Variants in LAS1L observed in about 807,000 individuals in gnomAD.
LAS1L encodes the protein ribosomal biogenesis protein LAS1L.
Under a neutral mutation model 57.3 loss-of-function variants are expected in LAS1L, and 5 were observed. The observed-to-expected ratio is 0.09, with a 90% confidence interval of 0.05 to 0.18. The LOEUF (loss-of-function observed/expected upper bound fraction) is 0.18, where lower values mean the gene tolerates loss of function less well. Ranked by LOEUF, LAS1L falls within the 10% of genes least tolerant of loss-of-function variation. The probability of loss-of-function intolerance (pLI) is 1.00; values close to 1 mark genes in which losing one functional copy is unlikely to be tolerated. For missense variants in LAS1L, 360 were observed against 568.3 expected (o/e 0.63, Z 3.73); for synonymous variants, 245 against 231.7 (o/e 1.06, Z -0.52).
intron 4 of LAS1L, among the ~76,000 whole-genome samples, chrX:65,530,682 C>T (rs1478730708): frequency 2.7e-5 from 3 of 109,222 alleles, no homozygotes; most frequent in South Asian, 4.0e-4. Context: ...GGCATGGAGG[C>T]GCGTGCCTGT....
At chrX:65,521,405 C>T in intron 11 of LAS1L, 1 of 334,462 alleles carries the variant, frequency 3.0e-6, no homozygotes, top group Non-Finnish European at 3.9e-6. Context: ...AGTCCTTGCC[C>T]TTGAAAAGCT....
chrX:65,532,483 G>A (rs1478391930), intron 3 of LAS1L, 78 bp downstream of exon 3: 165 of 724,811 alleles, frequency 2.3e-4, no homozygotes, highest in Non-Finnish European at 1.1e-5. Context: ...GTCTGACTGT[G>A]TGCCCACAAT....
chrX:65,529,511 T>G, intron 5 of LAS1L, 83 bp downstream of exon 5: 2 of 1,019,583 alleles, frequency 2.0e-6, no homozygotes, highest in Non-Finnish European at 2.6e-6. Context: ...GAGGAAATGC[T>G]GAGCCAGGGA....
At position 65,532,552 on chromosome X, in the gene LAS1L, C is replaced by T. The variant is rs1278334158; in HGVS notation, c.432+9G>A. On this transcript the variant is annotated intron_variant, in intron 3 of 13. Transcript: ENST00000374811. ...ACAGAATTGAGCAAGTTCACTGAAT[C>T]ATACGCACCTCTTGAGCCAGACACT... The T allele has an allele frequency of 2.5e-6, 3 of 1,194,120 alleles. No individual in the cohort carries two copies. The African/African-American group carries it at 5.3e-5, about 21-fold the overall frequency.
rs2069708367 is a variant in LAS1L, at chrX:65,534,575, G to A, written c.141C>T (p.Ser47=). The A allele has an allele frequency of 8.3e-7, 1 of 1,207,482 alleles. No individual in the cohort carries two copies. Among genetic ancestry groups the A allele is most frequent in the Admixed American group, 2.2e-5 (1 of 45,725 alleles). ...CCGTCACCTGGTCCCACTCGGCCCTGCTGAGCCAGGCGACCACGATGCCGT... is the reference window on the plus strand; with the variant it reads ...CCGTCACCTGGTCCCACTCGGCCCTACTGAGCCAGGCGACCACGATGCCGT... ...SAHGIVVAWL[S]RAEWDQVTVY... The change falls in exon 1 of 14, where the codon AGC becomes AGT. Residue 47 remains serine, a synonymous_variant. Transcript: ENST00000374811.
chrX:65,518,647 T>C (rs369568811), intron 11 of LAS1L, 182 bp from the exon 12 acceptor site: 1 of 488,437 alleles, frequency 2.0e-6, no homozygotes. Flanking sequence ...CTGTGGTTCA[T>C]CTCTGTGCCT....
chrX:65,532,835 G>A (rs2069568144), intron 2 of LAS1L, among the ~76,000 whole-genome samples: 1 of 111,970 alleles, frequency 8.9e-6, no homozygotes, highest in Non-Finnish European at 1.9e-5. Flanking sequence ...CCATACAGAT[G>A]AATAAGACAC....
In LAS1L at chrX:65,529,639, C is replaced by T. The variant is rs762043715; in HGVS notation, c.754G>A (p.Val252Met). The T allele has an allele frequency of 1.1e-5, 13 of 1,210,233 alleles. No individual in the cohort carries two copies. The Admixed American group carries it at 2.8e-4, about 26-fold the overall frequency. ...ADGDSKGSEE[V>M]DSHCKKALSH... ...AGGGCCTTTTTGCAATGAGAATCCACCTCTTCGCTGCCTTTGCTGTCTCCA... is the reference window on the plus strand; with the variant it reads ...AGGGCCTTTTTGCAATGAGAATCCATCTCTTCGCTGCCTTTGCTGTCTCCA... The change falls in exon 5 of 14, where the codon GTG (valine) becomes ATG (methionine). Residue 252 changes from valine (V) to methionine (M), a missense_variant. This residue lies in a region of LAS1L where 51 missense variants were observed against 43.1 expected (regional missense o/e 1.18). Transcript: ENST00000374811.
chrX:65,519,167 C>T (rs1365693559), intron 11 of LAS1L, among the ~76,000 whole-genome samples: 1 of 111,385 alleles, frequency 9.0e-6, no homozygotes, highest in African/African-American at 3.3e-5. Context: ...AGGTAGGGCC[C>T]GGGAAGCCCA....
At chrX:65,517,907 A>G (rs2068710012) in intron 12 of LAS1L, 80 bp downstream of exon 12, 1 of 1,114,670 alleles carries the variant, frequency 9.0e-7, no homozygotes, top group Non-Finnish European at 1.2e-6. Context: ...GCTACTTTCC[A>G]TCTCTTCCTA....
At chrX:65,526,001 CCA>C (rs956577355) in intron 7 of LAS1L, among the ~76,000 whole-genome samples, 5 of 110,945 alleles carry the variant, frequency 4.5e-5, no homozygotes, top group African/African-American at 1.6e-4. Flanking sequence ...GGTGCTGTTC[CCA>C]CAGTATTAAG....
chrX:65,523,753 C>G (rs1248644802), intron 10 of LAS1L, 46 bp from the exon 11 acceptor site: 3 of 1,124,741 alleles, frequency 2.7e-6, no homozygotes, highest in African/African-American at 3.7e-5. Flanking sequence ...AGTGAGCCCC[C>G]CACCCAACAT....
intron 7 of LAS1L, among the ~76,000 whole-genome samples, chrX:65,527,378 A>G (rs2148302820): frequency 9.1e-6 from 1 of 110,198 alleles, no homozygotes; most frequent in East Asian, 2.8e-4. Context: ...TCTACAAAAA[A>G]TTATAAAATT....
Position 65,512,754 on chromosome X carries a change from C to A in LAS1L, c.*21G>T. 8.6e-7 allele frequency: 1 copy of A among 1,161,504 alleles called. No homozygotes were observed. ...TGTTGCCCTGGCACGGCTGGATGAA[C>A]ACTTGCACCAGGGATGGCCATCAGA... On this transcript the variant is annotated 3_prime_UTR_variant, in exon 14 of 14. Transcript: ENST00000374811.
rs1391995810 is a variant in LAS1L at position 65,520,483 on chromosome X, C to T, written c.1449-2018G>A. The stretch of plus-strand genomic sequence containing the variant: ...CTCTGGGGAAAACAAAAGCCAAGTT[C>T]TGTGTTTAACAGATGCTTTCTGCAA... On this transcript the variant is annotated intron_variant, in intron 11 of 13. Coordinates refer to ENST00000374811, the MANE Select transcript of LAS1L (RefSeq NM_031206.7). 8 of 753,105 alleles carry T rather than the reference C, an allele frequency of 1.1e-5. No homozygotes were observed. In the East Asian group the frequency reaches 1.1e-3, roughly 99 times the overall value. The allele number at this position is 753,105 out of a possible 1,213,427, so 62.1% of individuals were successfully genotyped here. A position where few individuals can be genotyped will look rare whatever the true frequency, so the allele number is the denominator to read the frequency against.
intron 7 of LAS1L, among the ~76,000 whole-genome samples, chrX:65,527,083 G>C (rs1209483975): frequency 9.5e-6 from 1 of 105,429 alleles, no homozygotes; most frequent in Admixed American, 1.0e-4. Flanking sequence ...GTGGTGGTAC[G>C]TGCCTGTAGT....
At chrX:65,531,045 T>C (rs1410432509) in intron 4 of LAS1L, among the ~76,000 whole-genome samples, 1 of 111,906 alleles carries the variant, frequency 8.9e-6, no homozygotes, top group African/African-American at 3.2e-5. Context: ...AGTCAAGGTA[T>C]CAAAATATGC....
intron 2 of LAS1L, among the ~76,000 whole-genome samples, chrX:65,533,253 C>T (rs929045409): frequency 9.2e-6 from 1 of 109,195 alleles, no homozygotes. Flanking sequence ...AAATCACAGG[C>T]GAGGACCCTG....
intron 13 of LAS1L, among the ~76,000 whole-genome samples, chrX:65,514,177 T>G (rs1257586693): frequency 8.9e-6 from 1 of 111,850 alleles, no homozygotes; most frequent in Non-Finnish European, 1.9e-5. Context: ...TACAGGCCCT[T>G]TGGATGGGCT....
Sources: allele counts gnomAD v4.1 joint callset (sites outside exome capture counted in the v4.1 genomes callset), GRCh38; gene constraint gnomAD v4.1.1; regional missense constraint gnomAD v4.1.1; transcripts MANE v1.5; gene names NCBI Gene and HGNC (gene_info 2026-07-23, HGNC 2026-07-21).